RHOG: variants seen among roughly 807,000 people sequenced by gnomAD.
RHOG encodes ras homolog family member G, also known as rho-related GTP-binding protein RhoG.
Under a neutral mutation model 12.3 loss-of-function variants are expected in RHOG, and 1 was observed. That is an observed-to-expected ratio of 0.08 (90% CI 0.03 to 0.39). The LOEUF (loss-of-function observed/expected upper bound fraction) is 0.39, where lower values mean the gene tolerates loss of function less well. RHOG is among the 10% of genes least tolerant of loss of function. The pLI, the probability that RHOG is intolerant of heterozygous loss-of-function variation, is 0.99. For missense variants in RHOG, 114 were observed against 266.2 expected, an observed-to-expected ratio of 0.43 and a Z score of 3.98; for synonymous variants, 129 against 116.0, an observed-to-expected ratio of 1.11 and a Z score of -0.72.
chr11:3,829,511 A>C (rs1049310061), intron 1 of RHOG, among the ~76,000 whole-genome samples: 3 of 151,996 alleles, frequency 2.0e-5, no homozygotes, highest in Non-Finnish European at 4.4e-5. Flanking sequence ...TCAGCCTTCC[A>C]AAGTGCTGGG....
rs779345601 is a variant in RHOG at position 3,827,682 on chromosome 11, G to A, written c.457C>T (p.Arg153Cys). The A allele has an allele frequency of 3.1e-6, 5 of 1,614,004 alleles. No homozygotes were observed. The highest frequency in any genetic ancestry group is 1.6e-4 in the Middle Eastern group (1 of 6,062). ...QALAKQIHAV[R>C]YLECSALQQD... is the part of the protein sequence containing the mutation. ...TGCAGGGCTGAGCATTCGAGGTAGC[G>A]CACAGCGTGGATCTGCTTGGCCAGT... Residue 153 changes from arginine (R) to cysteine (C), a missense_variant, in exon 2 of 2, where the codon CGC becomes TGC. Physicochemically the swap from Arg to Cys is radical, Grantham distance 180 (BLOSUM62 -3). Coordinates refer to ENST00000351018, the MANE Select transcript of RHOG (RefSeq NM_001665.4). This position sits in a 1 kb window ranked among gnomAD's most constrained non-coding sequence, Gnocchi z 7.3.
intron 1 of RHOG, among the ~76,000 whole-genome samples, chr11:3,832,004 C>T (rs535957540): frequency 1.7e-4 from 26 of 152,086 alleles, no homozygotes; most frequent in Admixed American, 3.3e-4. Flanking sequence ...GCGTAGCTTC[C>T]GGGCTGGGAA....
intron 1 of RHOG, 80 bp from the exon 2 acceptor site, chr11:3,828,286 G>A: frequency 1.5e-6 from 1 of 680,380 alleles, no homozygotes; most frequent in Non-Finnish European, 2.5e-6. Flanking sequence ...CACACAAAGG[G>A]AAACCGGCTC....
At position 3,827,483 on chromosome 11, in the gene RHOG, G is replaced by C; in HGVS notation, c.*80C>G. The C allele has an allele frequency of 8.3e-7, 1 of 1,203,946 alleles. No individual in the cohort carries two copies. Among genetic ancestry groups the C allele is most frequent in the African/African-American group, 1.5e-5 (1 of 67,094 alleles). The allele number at this position is 1,203,946 out of a possible 1,614,324, so 74.6% of individuals were successfully genotyped here. A position where few individuals can be genotyped will look rare whatever the true frequency, so the allele number is the denominator to read the frequency against. ...AAGGGGTGCCAGAATTAGTCCTTAA[G>C]GCACAGCTGAGGCGGACAAGGCACC... On this transcript the variant is annotated 3_prime_UTR_variant, in exon 2 of 2. Transcript: ENST00000351018. The surrounding 1 kb of genome is among the most constrained non-coding windows in gnomAD (Gnocchi z 7.3).
intron 1 of RHOG, among the ~76,000 whole-genome samples, chr11:3,831,283 TG>T (rs2090126760): frequency 6.6e-6 from 1 of 152,152 alleles, no homozygotes; most frequent in African/African-American, 2.4e-5. Context: ...ACCCAGGGCT[TG>T]GTCCCACCTC....
rs1022715616 is a variant in RHOG at position 3,827,423 on chromosome 11, A to G, written c.*140T>C. 8.9e-6 allele frequency: 6 copies of G among 670,450 alleles called. No individual in the cohort carries two copies. In the African/African-American group the frequency reaches 9.1e-5, roughly 10 times the overall value. The allele number at this position is 670,450 out of a possible 1,614,324, so 41.5% of individuals were successfully genotyped here. On this transcript the variant is annotated 3_prime_UTR_variant, in exon 2 of 2. Coordinates refer to ENST00000351018, the MANE Select transcript of RHOG (RefSeq NM_001665.4). The surrounding 1 kb of genome is among the most constrained non-coding windows in gnomAD (Gnocchi z 7.3). Reference sequence around the variant, plus strand: ...CAGGCCTCCTTAAGGAGAAAAAGGCACTCAGAGAAAAAGGCATTCAGGGAA... The same window carrying G: ...CAGGCCTCCTTAAGGAGAAAAAGGCGCTCAGAGAAAAAGGCATTCAGGGAA...
chr11:3,840,828 C>A (rs12278324), intron 1 of RHOG, 66 bp downstream of exon 1: 105,223 of 151,992 alleles, frequency 0.69, 37,078 homozygotes, highest in African/African-American at 0.84. Context: ...GCGCCCGCGC[C>A]GAGTCCTGGG....
Position 3,833,806 on chromosome 11 carries a change from A to G in RHOG, c.-68-5600T>C, listed in dbSNP as rs566867299. 5.9e-5 allele frequency among the ~76,000 whole-genome samples: 9 copies of G among 152,326 alleles called. No homozygotes were observed. In the South Asian group the frequency reaches 1.9e-3, roughly 32 times the overall value. ...TGTCCTCTGCAAACAAGCCAGGATC[A>G]TTCTTGCCTCTGAACTTTTACTCTT... On this transcript the variant is annotated intron_variant, in intron 1 of 1. Transcript: ENST00000351018.
At chr11:3,835,363 C>A (rs1451723) in intron 1 of RHOG, among the ~76,000 whole-genome samples, 1 of 151,978 alleles carries the variant, frequency 6.6e-6, no homozygotes, top group African/African-American at 2.4e-5. Context: ...ATCACAGCAA[C>A]CCCCTCTTCT....
At chr11:3,831,296 C>T (rs2090126854) in intron 1 of RHOG, among the ~76,000 whole-genome samples, 1 of 152,214 alleles carries the variant, frequency 6.6e-6, no homozygotes, top group South Asian at 2.1e-4. Context: ...TCCCACCTCC[C>T]TCCCAGGCTA....
At position 3,827,900 on chromosome 11, in the gene RHOG, A is replaced by G; in HGVS notation, c.239T>C (p.Ile80Thr). 1 of 1,614,242 alleles carries G rather than the reference A, an allele frequency of 6.2e-7. No individual in the cohort carries two copies. Among genetic ancestry groups the G allele is most frequent in the Non-Finnish European group, 8.5e-7 (1 of 1,180,036 alleles). Residue 80 changes from isoleucine (I) to threonine (T), a missense_variant, in exon 2 of 2, where the codon ATC (isoleucine) becomes ACC (threonine). This residue lies in a region of RHOG where 53 missense variants were observed against 164.8 expected (regional missense o/e 0.32). Transcript: ENST00000351018. The surrounding 1 kb of genome is among the most constrained non-coding windows in gnomAD (Gnocchi z 7.3). ...CGGCGGACTGGCAATGGAGAAACAG[A>G]TGACGAAAACGTTGGTCTGAGGGTA... The part of the protein sequence containing the change: ...LSYPQTNVFV[I>T]CFSIASPPSY...
chr11:3,835,200 C>CT (rs2090149581), intron 1 of RHOG, among the ~76,000 whole-genome samples: 1 of 152,136 alleles, frequency 6.6e-6, no homozygotes, highest in African/African-American at 2.4e-5. Context: ...CTAAGCTGAG[C>CT]ACACCATGTA....
At chr11:3,831,526 A>G (rs186141535) in intron 1 of RHOG, among the ~76,000 whole-genome samples, 160 of 152,300 alleles carry the variant, frequency 1.1e-3, no homozygotes, top group African/African-American at 3.8e-3. Context: ...AGGCCAGTGG[A>G]GAGTCAAATA....
chr11:3,828,088 C>G lies in RHOG; in HGVS notation c.51G>C (p.Thr17=). The change falls in exon 2 of 2, where the codon ACG becomes ACC. Residue 17 remains threonine (T), a synonymous_variant. Coordinates refer to ENST00000351018, the MANE Select transcript of RHOG (RefSeq NM_001665.4). ...VVVGDGAVGK[T]CLLICYTTNA... ...TAGTTGTGTAGCAGATGAGCAGGCA[C>G]GTCTTGCCCACAGCCCCATCACCCA... 6.2e-7 allele frequency: 1 copy of G among 1,614,218 alleles called. No homozygotes were observed. Among genetic ancestry groups the G allele is most frequent in the Non-Finnish European group, 8.5e-7 (1 of 1,180,010 alleles).
intron 1 of RHOG, among the ~76,000 whole-genome samples, chr11:3,835,783 C>T (rs1027942990): frequency 1.3e-5 from 2 of 152,136 alleles, no homozygotes; most frequent in Non-Finnish European, 2.9e-5. Context: ...GACCCTTGGT[C>T]AAAGACATGG....
chr11:3,833,325 G>T (rs192550335), intron 1 of RHOG, among the ~76,000 whole-genome samples: 18 of 152,262 alleles, frequency 1.2e-4, no homozygotes, highest in Non-Finnish European at 2.1e-4. Context: ...TTGCCATGTT[G>T]CCCAGGCTGG....
At chr11:3,836,978 G>C (rs1194003078) in intron 1 of RHOG, among the ~76,000 whole-genome samples, 2 of 145,722 alleles carry the variant, frequency 1.4e-5, no homozygotes, top group Non-Finnish European at 3.0e-5. Flanking sequence ...AGCCAAGGAA[G>C]CTGCCCCCTC....
chr11:3,837,089 C>T (rs1470044845), intron 1 of RHOG, among the ~76,000 whole-genome samples: 1 of 151,986 alleles, frequency 6.6e-6, no homozygotes, highest in Non-Finnish European at 1.5e-5. Flanking sequence ...TGAAGTGGCA[C>T]TTCCTTTGCC....
In RHOG at chr11:3,828,776, A is replaced by G. The variant is rs1046039657; in HGVS notation, c.-68-570T>C. 6.6e-4 allele frequency among the ~76,000 whole-genome samples: 100 copies of G among 151,326 alleles called. 1 individual carries two copies. The highest frequency in any genetic ancestry group is 2.2e-3 in the African/African-American group (90 of 41,228). On this transcript the variant is annotated intron_variant, in intron 1 of 1. Transcript: ENST00000351018. ...GCTGGGACTACAGGCACCCACCACC[A>G]CGCCCGGCTAATTTTTTGTATTTTT...
Sources: allele counts gnomAD v4.1 joint callset (sites outside exome capture counted in the v4.1 genomes callset), GRCh38; gene constraint gnomAD v4.1.1; regional missense constraint gnomAD v4.1.1; non-coding constraint Gnocchi (gnomAD v3.1); transcripts MANE v1.5; gene names NCBI Gene and HGNC (gene_info 2026-07-23, HGNC 2026-07-21).